XKR6: variants seen among roughly 807,000 people sequenced by gnomAD.
XKR6 encodes XK-related protein 6.
A neutral mutation model predicts 56.7 loss-of-function variants in XKR6; 22 were observed. The observed-to-expected ratio is 0.39, with a 90% CI of 0.28 to 0.55. The LOEUF (loss-of-function observed/expected upper bound fraction) is 0.55. XKR6 is among the 20% of genes least tolerant of loss of function. The pLI, the probability that XKR6 is intolerant of heterozygous loss-of-function variation, is 0.66. For synonymous variants in XKR6, 524 were observed against 387.8 expected (o/e 1.35, Z -4.13); for missense variants, 852 against 889.0 (o/e 0.96, Z 0.53).
At chr8:11,007,488 G>A (rs946248260) in intron 1 of XKR6, among the ~76,000 whole-genome samples, 38 of 152,152 alleles carry the variant, frequency 2.5e-4, no homozygotes, top group Admixed American at 2.6e-4. Context: ...GCGGCCTCTC[G>A]CATGGACGAA....
chr8:10,985,620 CA>C (rs1211300909), intron 1 of XKR6, among the ~76,000 whole-genome samples: 2 of 148,720 alleles, frequency 1.3e-5, no homozygotes, highest in African/African-American at 4.9e-5. Context: ...AAAGCAAAAG[CA>C]AAAAAACAAA....
At chr8:10,968,737 G>C (rs1802308059) in intron 1 of XKR6, among the ~76,000 whole-genome samples, 1 of 152,242 alleles carries the variant, frequency 6.6e-6, no homozygotes, top group African/African-American at 2.4e-5. Flanking sequence ...ATAAGGAAAA[G>C]AAAATACGGG....
intron 1 of XKR6, among the ~76,000 whole-genome samples, chr8:11,183,389 T>C (rs1295228724): frequency 1.3e-5 from 2 of 152,162 alleles, no homozygotes; most frequent in Non-Finnish European, 2.9e-5. Context: ...TGTAGCTCAC[T>C]GCAGCCTCAA....
At chr8:10,914,156 G>T (rs936239753) in intron 2 of XKR6, among the ~76,000 whole-genome samples, 3 of 145,336 alleles carry the variant, frequency 2.1e-5, no homozygotes, top group African/African-American at 7.9e-5. Context: ...AAAAGGTGAG[G>T]CTCAGAGAGT....
chr8:11,130,164 A>G (rs956430163), intron 1 of XKR6, among the ~76,000 whole-genome samples: 2 of 152,062 alleles, frequency 1.3e-5, no homozygotes. Flanking sequence ...AAATAACACT[A>G]TTTTGTGGCT....
At chr8:11,151,852 A>T (rs1801285998) in intron 1 of XKR6, among the ~76,000 whole-genome samples, 1 of 152,136 alleles carries the variant, frequency 6.6e-6, no homozygotes, top group Non-Finnish European at 1.5e-5. Flanking sequence ...ACAATTAATA[A>T]ACCTGTACTC....
intron 1 of XKR6, among the ~76,000 whole-genome samples, chr8:11,024,799 C>T (rs1188150123): frequency 6.6e-6 from 1 of 152,244 alleles, no homozygotes; most frequent in Non-Finnish European, 1.5e-5. Context: ...TGCAGACTAG[C>T]AGACGGCTGC....
At chr8:11,098,452 T>C (rs567101330) in intron 1 of XKR6, among the ~76,000 whole-genome samples, 9 of 152,296 alleles carry the variant, frequency 5.9e-5, no homozygotes, top group East Asian at 1.9e-4. Context: ...TAATGCTGTG[T>C]GTACTTCTCA....
chr8:10,913,659 T>A (rs1192934460), intron 2 of XKR6, among the ~76,000 whole-genome samples: 1 of 152,210 alleles, frequency 6.6e-6, no homozygotes, highest in East Asian at 1.9e-4. Flanking sequence ...CCTGCCCCGG[T>A]GCACTCAGCC....
intron 1 of XKR6, among the ~76,000 whole-genome samples, chr8:11,127,836 G>A (rs1414196835): frequency 1.3e-5 from 2 of 152,136 alleles, no homozygotes. Context: ...CTACCCCAGG[G>A]CTATTACGGT....
At chr8:11,014,359 G>C (rs779706526) in intron 1 of XKR6, among the ~76,000 whole-genome samples, 4 of 152,166 alleles carry the variant, frequency 2.6e-5, no homozygotes, top group Non-Finnish European at 5.9e-5. Context: ...ACCACAAAAG[G>C]AAAGTTTCTA....
intron 1 of XKR6, among the ~76,000 whole-genome samples, chr8:10,961,675 A>G (rs1802065752): frequency 1.3e-5 from 2 of 152,254 alleles, no homozygotes; most frequent in Non-Finnish European, 1.5e-5. Flanking sequence ...GCACGGTCTG[A>G]GAGGCAGGCA....
chr8:11,065,580 GT>G lies in XKR6; in HGVS notation c.764+134995del, dbSNP rs200201382. Among the ~76,000 whole-genome samples the G allele has an allele frequency of 2.8e-3, 417 of 146,980 alleles. 1 individual carries two copies. Among genetic ancestry groups the G allele is most frequent in the Admixed American group, 5.0e-3 (74 of 14,670 alleles). On this transcript the variant is annotated intron_variant, in intron 1 of 2. Coordinates refer to ENST00000416569, the MANE Select transcript of XKR6 (RefSeq NM_173683.4). ...CTCTATTTGCATTTTTACTTAATAC[GT>G]TTTTTTTTTTATCCTGGGAAATCCC...
intron 1 of XKR6, among the ~76,000 whole-genome samples, chr8:11,076,075 C>T (rs1008503424): frequency 8.5e-5 from 13 of 152,266 alleles, no homozygotes; most frequent in African/African-American, 1.7e-4. Context: ...CACTACAACA[C>T]GGGCGAACCT....
chr8:11,152,007 C>T (rs1438497800), intron 1 of XKR6, among the ~76,000 whole-genome samples: 2 of 152,158 alleles, frequency 1.3e-5, no homozygotes, highest in African/African-American at 4.8e-5. Flanking sequence ...AAAAGGCAAA[C>T]AATAGTAATC....
At position 10,958,032 on chromosome 8, in the gene XKR6, C is replaced by T. The variant is rs141190484; in HGVS notation, c.765-33202G>A. On this transcript the variant is annotated intron_variant, in intron 1 of 2. Coordinates refer to ENST00000416569, the MANE Select transcript of XKR6 (RefSeq NM_173683.4). Reference sequence around the variant, plus strand: ...GAAACCCACGTGATCTGGAAAGTGGCTTGGCCTACTTTAGTGTTGTGTGAT... The same window carrying T: ...GAAACCCACGTGATCTGGAAAGTGGTTTGGCCTACTTTAGTGTTGTGTGAT... Among the ~76,000 whole-genome samples the T allele has an allele frequency of 2.9e-3, 436 of 152,306 alleles. 4 individuals are homozygous for T. Among genetic ancestry groups the T allele is most frequent in the African/African-American group, 9.7e-3 (405 of 41,558 alleles).
At chr8:11,176,767 A>C (rs1293444971) in intron 1 of XKR6, among the ~76,000 whole-genome samples, 2 of 151,568 alleles carry the variant, frequency 1.3e-5, no homozygotes, top group African/African-American at 4.9e-5. Context: ...GAAAACCCCC[A>C]CCCCGCAAAG....
chr8:10,951,391 C>G (rs1353663328), intron 1 of XKR6, among the ~76,000 whole-genome samples: 1 of 151,908 alleles, frequency 6.6e-6, no homozygotes, highest in East Asian at 1.9e-4. Flanking sequence ...CAGGCTGCAG[C>G]TCAGAGAGGG....
chr8:11,035,181 G>A (rs370711049), intron 1 of XKR6: 15 of 534,610 alleles, frequency 2.8e-5, no homozygotes, highest in South Asian at 4.2e-5. Context: ...CCAGCCCAGC[G>A]TGGGTGCAAG....
Sources: gnomAD v4.1 joint callset for allele counts (sites outside exome capture counted in the v4.1 genomes callset) on GRCh38, gnomAD v4.1.1 for gene constraint, MANE v1.5 for transcripts, NCBI Gene and HGNC (gene_info 2026-07-23, HGNC 2026-07-21) for gene names.